Variants in SLC26A1 observed in about 807,000 individuals in gnomAD.
SLC26A1 encodes sulfate anion transporter 1.
SLC26A1 carries 18 observed loss-of-function variants against 14.5 expected under a neutral mutation model. That is an observed-to-expected ratio of 1.24 (90% CI 0.86 to 1.84). The LOEUF is 1.84. SLC26A1 is among the 40% of genes most tolerant of loss of function. The probability of loss-of-function intolerance (pLI) is 0.00; values close to 1 mark genes in which losing one functional copy is unlikely to be tolerated. For synonymous variants in SLC26A1, 505 were observed against 492.0 expected (o/e 1.03, Z -0.35); for missense variants, 1,049 against 1,020.0 (o/e 1.03, Z -0.39).
downstream of SLC26A1, chr4:979,025 C>T (rs10014318): frequency 4.3e-3 from 703 of 162,106 alleles, 6 homozygotes; most frequent in African/African-American, 0.016. Flanking sequence ...TTCATAACAG[C>T]TTGCTAGGAT....
rs1210347543 is a variant in SLC26A1, at chr4:988,019, G to C, written c.*814C>G. 6.6e-7 allele frequency: 1 copy of C among 1,505,034 alleles called. No homozygotes were observed. Among genetic ancestry groups the C allele is most frequent in the Non-Finnish European group, 8.9e-7 (1 of 1,121,552 alleles). 93.2% of individuals were successfully genotyped at this position (1,505,034 alleles called of 1,614,324 possible). On this transcript the variant is annotated 3_prime_UTR_variant, in exon 3 of 3. Coordinates refer to ENST00000398516, the MANE Select transcript of SLC26A1 (RefSeq NM_022042.4). ...GGCACAGATGGGAGGGGAGGGCTGG[G>C]GGCTGCTCGGAAGACCCCTTGTTCC...
exon 3 of SLC26A1, chr4:979,434 A>G: frequency 6.3e-7 from 1 of 1,599,156 alleles, no homozygotes; most frequent in Non-Finnish European, 8.6e-7. Flanking sequence ...CTCTTCCAGA[A>G]GTTCCTGCGA....
chr4:990,238 A>G lies in SLC26A1; in HGVS notation c.701T>C (p.Val234Ala). ...LTSQLKHLLGVRIPRHQGPGM... is the reference protein window; with the variant it reads ...LTSQLKHLLGARIPRHQGPGM... ...GGGCCCCTGGTGCCGCGGGATCCGC[A>G]CGCCCAGCAGGTGTTTGAGCTGCGA... Residue 234 changes from valine to alanine, a missense_variant, in exon 3 of 3, where the codon GTG (valine) becomes GCG (alanine). Transcript: ENST00000398516. 3.2e-6 allele frequency: 5 copies of G among 1,580,188 alleles called. No individual in the cohort carries two copies. The highest frequency in any genetic ancestry group is 4.3e-6 in the Non-Finnish European group (5 of 1,164,528).
At chr4:991,897 A>G (rs1425983834) in intron 1 of SLC26A1, 167 bp from the exon 2 acceptor site, 1 of 1,224,530 alleles carries the variant, frequency 8.2e-7, no homozygotes. Context: ...CCTGCCCGGT[A>G]TGGATGGACG....
rs1184154071 is a variant in SLC26A1 at position 989,160 on chromosome 4, C to T, written c.1779G>A (p.Leu593=). ...GEGGPAQGED[L]GPVSTRAALV... The stretch of plus-strand genomic sequence containing the variant: ...GCGCAGCCCTGGTGCTAACCGGGCC[C>T]AGGTCCTCGCCCTGGGCAGGGCCTC... Residue 593 remains leucine (L), a synonymous_variant, in exon 3 of 3, where the codon CTG becomes CTA. Coordinates refer to ENST00000398516, the MANE Select transcript of SLC26A1 (RefSeq NM_022042.4). 2 of 1,607,292 alleles carry T rather than the reference C, an allele frequency of 1.2e-6. No individual in the cohort carries two copies. The highest frequency in any genetic ancestry group is 1.7e-6 in the Non-Finnish European group (2 of 1,176,524).
chr4:984,411 T>C (rs1476320070), downstream of SLC26A1, among the ~76,000 whole-genome samples: 1 of 152,268 alleles, frequency 6.6e-6, no homozygotes, highest in Non-Finnish European at 1.5e-5. Flanking sequence ...TTGTTTTGCT[T>C]TAATTTCCAG....
intron 2 of SLC26A1, among the ~76,000 whole-genome samples, chr4:980,004 G>A (rs1219573157): frequency 1.3e-5 from 2 of 152,238 alleles, no homozygotes; most frequent in African/African-American, 4.8e-5. Context: ...CAAGAGAAGG[G>A]GGCACAGCAC....
chr4:985,829 A>T (rs28594162), downstream of SLC26A1, among the ~76,000 whole-genome samples: 1,750 of 152,356 alleles, frequency 0.011, 34 homozygotes, highest in African/African-American at 0.04. Context: ...CAAAATAAAA[A>T]GACCCAGAAC....
Position 990,081 on chromosome 4 carries a change from G to GT in SLC26A1, c.857dup (p.His286GlnfsTer185). On this transcript the variant is annotated frameshift_variant, in exon 3 of 3. Coordinates refer to ENST00000398516, the MANE Select transcript of SLC26A1 (RefSeq NM_022042.4). LOFTEE classifies it low-confidence loss of function (END_TRUNC). ...CCGTGGGCAGCGGCACCCTCAGGCGGTGTCGGTAGCGGTCTGAGAGCTCCT... is the reference window on the plus strand; with the variant it reads ...CCGTGGGCAGCGGCACCCTCAGGCGGTTGTCGGTAGCGGTCTGAGAGCTCCT... The GT allele has an allele frequency of 6.2e-7, 1 of 1,600,072 alleles. No homozygotes were observed. The highest frequency in any genetic ancestry group is 8.5e-7 in the Non-Finnish European group (1 of 1,175,374).
intron 1 of SLC26A1, 114 bp from the exon 2 acceptor site, chr4:991,844 G>C: frequency 6.6e-7 from 1 of 1,525,636 alleles, no homozygotes; most frequent in Non-Finnish European, 8.8e-7. Flanking sequence ...CCAGGGCCGG[G>C]GATTGGTGCT....
Position 988,425 on chromosome 4 carries a change from C to A in SLC26A1, c.*408G>T. On this transcript the variant is annotated 3_prime_UTR_variant, in exon 3 of 3. Coordinates refer to ENST00000398516, the MANE Select transcript of SLC26A1 (RefSeq NM_022042.4). ...TCGTGCACTTGGCCAGAGCCGCTGG[C>A]TCCTACCAGCAGGGTGGGCACCGGG... 1 of 1,065,998 alleles carries A rather than the reference C, an allele frequency of 9.4e-7. No individual in the cohort carries two copies. The highest frequency in any genetic ancestry group is 1.1e-6 in the Non-Finnish European group (1 of 881,600). 66.0% of individuals were successfully genotyped at this position (1,065,998 alleles called of 1,614,324 possible). A position where few individuals can be genotyped will look rare whatever the true frequency, so the allele number is the denominator to read the frequency against.
downstream of SLC26A1, chr4:987,152 TG>T: frequency 7.0e-7 from 1 of 1,418,754 alleles, no homozygotes; most frequent in Non-Finnish European, 9.2e-7. Context: ...GCGCCCCCGG[TG>T]GCCCCGGCCG....
chr4:988,895 C>G lies in SLC26A1; in HGVS notation c.2044G>C (p.Asp682His). The change falls in exon 3 of 3, where the codon GAT becomes CAT. Residue 682 changes from aspartate to histidine, a missense_variant. Transcript: ENST00000398516. ...CGGGCTCGTGCTGTCTGCACGGCATCGTGCACACTGAGGAACAGCTGCTCC... is the reference window on the plus strand; with the variant it reads ...CGGGCTCGTGCTGTCTGCACGGCATGGTGCACACTGAGGAACAGCTGCTCC... ...EEEQLFLSVHDAVQTARARHR... is the reference protein window; with the variant it reads ...EEEQLFLSVHHAVQTARARHR... 1.2e-6 allele frequency: 2 copies of G among 1,604,168 alleles called. No individual in the cohort carries two copies. Among genetic ancestry groups the G allele is most frequent in the Non-Finnish European group, 1.7e-6 (2 of 1,176,278 alleles).
In SLC26A1 at chr4:989,017, C is replaced by T. The variant is rs1713979060; in HGVS notation, c.1922G>A (p.Gly641Asp). The T allele has an allele frequency of 1.3e-6, 2 of 1,586,706 alleles. No individual in the cohort carries two copies. The highest frequency in any genetic ancestry group is 2.3e-5 in the East Asian group (1 of 43,168). Reference protein sequence around the residue: ...QDLRRDYGALGISLLLACCSP... With the variant: ...QDLRRDYGALDISLLLACCSP... The stretch of plus-strand genomic sequence containing the variant: ...GCAGCAGGCTAGCAGCAGGCTGATG[C>T]CCAGGGCCCCGTAGTCTCGGCGCAG... Residue 641 changes from glycine to aspartate, a missense_variant, in exon 3 of 3, where the codon GGC becomes GAC. Gly to Asp is a moderately conservative substitution (Grantham distance 94). Coordinates refer to ENST00000398516, the MANE Select transcript of SLC26A1 (RefSeq NM_022042.4).
At position 987,874 on chromosome 4, in the gene SLC26A1, C is replaced by T. The variant is rs1315260083; in HGVS notation, c.*959G>A. On this transcript the variant is annotated 3_prime_UTR_variant, in exon 3 of 3. Coordinates refer to ENST00000398516, the MANE Select transcript of SLC26A1 (RefSeq NM_022042.4). ...AGCTGGGACCAGCAGCTCAACCTCG[C>T]CTATGTGGGCGCCGTCCCTCACCGC... 1 of 1,612,154 alleles carries T rather than the reference C, an allele frequency of 6.2e-7. No individual in the cohort carries two copies. The highest frequency in any genetic ancestry group is 1.7e-5 in the Admixed American group (1 of 59,976).
At chr4:985,381 ACGGTTCCGTTCAG>A (rs1336458690), downstream of SLC26A1, among the ~76,000 whole-genome samples, 2 of 97,008 alleles carry the variant, frequency 2.1e-5, no homozygotes, top group Non-Finnish European at 2.6e-5. Flanking sequence ...AGTGCCCTGG[ACGGTTCCGTTCAG>A]CGCTCTCCAG....
At position 989,839 on chromosome 4, in the gene SLC26A1, T is replaced by C; in HGVS notation, c.1100A>G (p.His367Arg). ...CTGGTTGGCACGCACAGAGTAGCCG[T>C]GACTGCGGGCGAACATCTCCGCCAG... ...ISLAEMFARS[H>R]GYSVRANQEL... The change falls in exon 3 of 3, where the codon CAC becomes CGC. Residue 367 changes from histidine (H) to arginine (R), a missense_variant. Coordinates refer to ENST00000398516, the MANE Select transcript of SLC26A1 (RefSeq NM_022042.4). The C allele has an allele frequency of 1.3e-6, 2 of 1,579,364 alleles. No homozygotes were observed. The highest frequency in any genetic ancestry group is 1.2e-5 in the South Asian group (1 of 86,480).
rs748561401 is a variant in SLC26A1, at chr4:989,653, GCCAGCAGCA to G, written c.1277_1285del (p.Val426_Leu428del). 108 of 1,588,534 alleles carry G rather than the reference GCCAGCAGCA, an allele frequency of 6.8e-5. No homozygotes were observed. The highest frequency in any genetic ancestry group is 7.5e-5 in the Non-Finnish European group (88 of 1,168,896). On this transcript the variant is annotated inframe_deletion, in exon 3 of 3. Coordinates refer to ENST00000398516, the MANE Select transcript of SLC26A1 (RefSeq NM_022042.4). ...TAGGTCGTGGAACAGCGGTGCCAGCGCCAGCAGCACCAGCAGCACCACGGTGGCGCTGAC... is the reference window on the plus strand; with the variant it reads ...TAGGTCGTGGAACAGCGGTGCCAGCGCCAGCAGCACCACGGTGGCGCTGAC...
chr4:991,485 G>A lies in SLC26A1; in HGVS notation c.219C>T (p.Val73=), dbSNP rs1176507459. The A allele has an allele frequency of 1.4e-5, 23 of 1,610,852 alleles. No individual in the cohort carries two copies. Among genetic ancestry groups the A allele is most frequent in the Non-Finnish European group, 2.0e-5 (23 of 1,178,340 alleles). ...YRPREYLAGD[V]MSGLVIGIIL... The stretch of plus-strand genomic sequence containing the variant: ...TGATGCCGATGACCAGCCCAGACAT[G>A]ACGTCGCCTGCCAGGTACTCCCGCG... The change falls in exon 2 of 3, where the codon GTC becomes GTT. Residue 73 remains valine, a synonymous_variant. Transcript: ENST00000398516.
Sources: gnomAD v4.1 joint callset for allele counts (sites outside exome capture counted in the v4.1 genomes callset) on GRCh38, gnomAD v4.1.1 for gene constraint, MANE v1.5 for transcripts, NCBI Gene and HGNC (gene_info 2026-07-23, HGNC 2026-07-21) for gene names.